The following TAF8 variants were observed in gnomAD, a reference collection of about 807,000 sequenced individuals.
The protein encoded by TAF8 is transcription initiation factor TFIID subunit 8.
A neutral mutation model predicts 36.5 loss-of-function variants in TAF8; 47 were observed. That is an observed-to-expected ratio of 1.29 (90% CI 1.02 to 1.64). The LOEUF is 1.64. Among genes scored for constraint, TAF8 ranks in the 40% most tolerant of loss-of-function variants. TAF8 has a pLI of 0.00. For synonymous variants in TAF8, 175 were observed against 159.5 expected (o/e 1.10, Z -0.73); for missense variants, 420 against 407.6 (o/e 1.03, Z -0.26).
In TAF8 at chr6:42,071,230, T is replaced by C. The variant is rs535440658; in HGVS notation, c.780+2623T>C. ...GTTCTCTAAGATGTGATACCCCAAATGGCAGCCAGCCACCCTGGGTTGCTA... is the reference window on the plus strand; with the variant it reads ...GTTCTCTAAGATGTGATACCCCAAACGGCAGCCAGCCACCCTGGGTTGCTA... On this transcript the variant is annotated intron_variant, in intron 7 of 8. Coordinates refer to ENST00000372977, the MANE Select transcript of TAF8 (RefSeq NM_138572.3). 238 of 181,878 alleles carry C rather than the reference T, an allele frequency of 1.3e-3. 2 individuals carry two copies. The highest frequency in any genetic ancestry group is 5.7e-3 in the African/African-American group (236 of 41,412). 11.3% of individuals were successfully genotyped at this position (181,878 alleles called of 1,614,324 possible).
Position 42,081,312 on chromosome 6 carries a change from G to C in TAF8, c.*3767G>C, listed in dbSNP as rs891064770. 1 of 140,192 alleles carries C rather than the reference G, an allele frequency of 7.1e-6. No homozygotes were observed. The highest frequency in any genetic ancestry group is 2.6e-5 in the African/African-American group (1 of 39,134). The allele number at this position is 140,192 out of a possible 1,614,324, so 8.7% of individuals were successfully genotyped here. A position where few individuals can be genotyped will look rare whatever the true frequency, so the allele number is the denominator to read the frequency against. On this transcript the variant is annotated 3_prime_UTR_variant, in exon 9 of 9. Transcript: ENST00000372977. Reference sequence around the variant, plus strand: ...CTGCCTCAGCTTCCTGAGTAGCTGGGATTATAGGTATCTACCACCACCACC... The same window carrying C: ...CTGCCTCAGCTTCCTGAGTAGCTGGCATTATAGGTATCTACCACCACCACC...
chr6:42,056,848 C>T (rs956985419), intron 4 of TAF8, among the ~76,000 whole-genome samples: 2 of 152,306 alleles, frequency 1.3e-5, no homozygotes, highest in East Asian at 3.9e-4. Context: ...TCGAGTGATC[C>T]GCCTGCCTCG....
Position 42,079,516 on chromosome 6 carries a change from C to A in TAF8, c.*1971C>A. 1.0e-6 allele frequency: 1 copy of A among 985,312 alleles called. No homozygotes were observed. Among genetic ancestry groups the A allele is most frequent in the Non-Finnish European group, 1.2e-6 (1 of 829,896 alleles). 61.0% of individuals were successfully genotyped at this position (985,312 alleles called of 1,614,324 possible). On this transcript the variant is annotated 3_prime_UTR_variant, in exon 9 of 9. Coordinates refer to ENST00000372977, the MANE Select transcript of TAF8 (RefSeq NM_138572.3). ...ATAAGCTTGTTTCCCAAATTAGAAT[C>A]CTAACGTCCATATTTAGCTTCATGT... is the stretch of plus-strand genomic sequence containing the variant.
chr6:42,058,303 C>G (rs1765076267), intron 5 of TAF8, among the ~76,000 whole-genome samples: 1 of 152,080 alleles, frequency 6.6e-6, no homozygotes, highest in Non-Finnish European at 1.5e-5. Context: ...AGAATCTAAC[C>G]TGGGAGACAG....
At chr6:42,068,382 G>T in intron 6 of TAF8, 83 bp from the exon 7 acceptor site, 1 of 1,501,042 alleles carries the variant, frequency 6.7e-7, no homozygotes, top group South Asian at 1.2e-5. Flanking sequence ...GCTGCTCACT[G>T]ATTTGTTGTG....
rs778515780 is a variant in TAF8 at position 42,077,190 on chromosome 6, G to A, written c.871G>A (p.Asp291Asn). Residue 291 changes from aspartate to asparagine, a missense_variant, in exon 8 of 9, where the codon GAT (aspartate) becomes AAT (asparagine). Physicochemically the swap from Asp to Asn is conservative, Grantham distance 23 (BLOSUM62 1). Coordinates refer to ENST00000372977, the MANE Select transcript of TAF8 (RefSeq NM_138572.3). ...CCGGAATGGGGAGGAGAACATCATC[G>A]ATAACCCTTATCTGCGGCCGGTGAA... is the stretch of plus-strand genomic sequence containing the variant. ...GSRNGEENII[D>N]NPYLRPVKKP... is the part of the protein sequence containing the mutation. 1 of 1,614,106 alleles carries A rather than the reference G, an allele frequency of 6.2e-7. No homozygotes were observed. Among genetic ancestry groups the A allele is most frequent in the Non-Finnish European group, 8.5e-7 (1 of 1,179,988 alleles).
chr6:42,051,494 G>A lies in TAF8; in HGVS notation c.183G>A (p.Leu61=). Residue 61 remains leucine (L), a synonymous_variant, in exon 2 of 9, where the codon CTG becomes CTA. Coordinates refer to ENST00000372977, the MANE Select transcript of TAF8 (RefSeq NM_138572.3). ...CCGAGAAAGCATCCGTGGAAACGCT[G>A]ACAGAGATGCTGCAGAGCTGTGAGT... The part of the protein sequence containing the change: ...ESAEKASVET[L]TEMLQSYISE... 6.2e-7 allele frequency: 1 copy of A among 1,614,042 alleles called. No individual in the cohort carries two copies. The highest frequency in any genetic ancestry group is 8.5e-7 in the Non-Finnish European group (1 of 1,180,002).
rs774187831 is a variant in TAF8 at position 42,066,392 on chromosome 6, T to C, written c.570T>C (p.Leu190=). The part of the protein sequence containing the change: ...ASQRRDVERA[L]TRFMAKTGET... ...AGAGGCGCGATGTGGAGCGGGCACTTACCCGTTTCATGGCCAAGACAGGCG... is the reference window on the plus strand; with the variant it reads ...AGAGGCGCGATGTGGAGCGGGCACTCACCCGTTTCATGGCCAAGACAGGCG... Residue 190 remains leucine (L), a synonymous_variant, in exon 6 of 9, where the codon CTT becomes CTC. Coordinates refer to ENST00000372977, the MANE Select transcript of TAF8 (RefSeq NM_138572.3). 6.2e-7 allele frequency: 1 copy of C among 1,614,220 alleles called. No individual in the cohort carries two copies. The highest frequency in any genetic ancestry group is 1.1e-5 in the South Asian group (1 of 91,078).
intron 2 of TAF8, among the ~76,000 whole-genome samples, chr6:42,054,459 G>A (rs1183958046): frequency 6.6e-6 from 1 of 152,032 alleles, no homozygotes; most frequent in Non-Finnish European, 1.5e-5. Context: ...CAGAAACTCT[G>A]TACCCATAAA....
intron 7 of TAF8, among the ~76,000 whole-genome samples, chr6:42,076,543 A>C (rs913584071): frequency 1.3e-5 from 2 of 152,194 alleles, no homozygotes; most frequent in Non-Finnish European, 2.9e-5. Context: ...TGCGTCCCTT[A>C]GTGGAACCCT....
rs749880967 is a variant in TAF8, at chr6:42,051,353, A to T, written c.46-4A>T. 3 of 1,609,998 alleles carry T rather than the reference A, an allele frequency of 1.9e-6. No homozygotes were observed. The highest frequency in any genetic ancestry group is 2.7e-5 in the African/African-American group (2 of 74,850). ...TGGATGAAAATCTCTCTGCTGATTCACAGAGATCGGGAAGTAAACAGTCCA... is the reference window on the plus strand; with the variant it reads ...TGGATGAAAATCTCTCTGCTGATTCTCAGAGATCGGGAAGTAAACAGTCCA... On this transcript the variant is annotated splice_polypyrimidine_tract_variant and splice_region_variant and intron_variant, in intron 1 of 8. Transcript: ENST00000372977.
At chr6:42,051,262 T>G in intron 1 of TAF8, 95 bp from the exon 2 acceptor site, 1 of 1,376,312 alleles carries the variant, frequency 7.3e-7, no homozygotes, top group Non-Finnish European at 9.9e-7. Context: ...AAAATAAAAT[T>G]ATTTAGTAAA....
chr6:42,083,257 GCTT>G lies in TAF8; in HGVS notation c.*5715_*5717del, dbSNP rs1366432424. Reference sequence around the variant, plus strand: ...TGATGTTCCATGTCAGTAATAAAGAGCTTCTCTGTTTCGTGGCTGCATGGTTGT... The same window carrying G: ...TGATGTTCCATGTCAGTAATAAAGAGCTCTGTTTCGTGGCTGCATGGTTGT... On this transcript the variant is annotated 3_prime_UTR_variant, in exon 9 of 9. Coordinates refer to ENST00000372977, the MANE Select transcript of TAF8 (RefSeq NM_138572.3). 9 of 152,308 alleles carry G rather than the reference GCTT, an allele frequency of 5.9e-5. No homozygotes were observed. Among genetic ancestry groups the G allele is most frequent in the South Asian group, 4.1e-4 (2 of 4,832 alleles). 9.4% of individuals were successfully genotyped at this position (152,308 alleles called of 1,614,324 possible).
Position 42,078,626 on chromosome 6 carries a change from C to T in TAF8, c.*1081C>T, listed in dbSNP as rs762832429. 9.1e-5 allele frequency: 90 copies of T among 985,296 alleles called. No individual in the cohort carries two copies. Among genetic ancestry groups the T allele is most frequent in the East Asian group, 5.7e-4 (5 of 8,824 alleles). 61.0% of individuals were successfully genotyped at this position (985,296 alleles called of 1,614,324 possible). ...CATGTCGGGGCTGCACCTGTCCTCCCGTCGGCATTTGACGAAAGCTCCCTG... is the reference window on the plus strand; with the variant it reads ...CATGTCGGGGCTGCACCTGTCCTCCTGTCGGCATTTGACGAAAGCTCCCTG... On this transcript the variant is annotated 3_prime_UTR_variant, in exon 9 of 9. Coordinates refer to ENST00000372977, the MANE Select transcript of TAF8 (RefSeq NM_138572.3).
Position 42,066,292 on chromosome 6 carries a change from CTT to C in TAF8, c.490-18_490-17del. 1 of 1,612,658 alleles carries C rather than the reference CTT, an allele frequency of 6.2e-7. No individual in the cohort carries two copies. Among genetic ancestry groups the C allele is most frequent in the Non-Finnish European group, 8.5e-7 (1 of 1,179,936 alleles). ...TGATACTTCGGCATCACCCCAGTGT[CTT>C]TGCTGCTCTCTTCGTAGACGTACCG... On this transcript the variant is annotated intron_variant, in intron 5 of 8. Coordinates refer to ENST00000372977, the MANE Select transcript of TAF8 (RefSeq NM_138572.3).
chr6:42,050,722 C>A, intron 1 of TAF8, 136 bp downstream of exon 1: 3 of 1,149,988 alleles, frequency 2.6e-6, no homozygotes, highest in Non-Finnish European at 2.4e-6. Flanking sequence ...GTTTTCAGGC[C>A]GTAGGCGCCC....
intron 8 of TAF8, 58 bp from the exon 9 acceptor site, chr6:42,077,475 T>G (rs780486546): frequency 2.2e-4 from 347 of 1,603,784 alleles, no homozygotes; most frequent in South Asian, 1.2e-3. Context: ...AGTTTTCCCC[T>G]AGAAGGAGAG....
At chr6:42,055,289 TG>T (rs1471954563) in intron 2 of TAF8, among the ~76,000 whole-genome samples, 3 of 152,254 alleles carry the variant, frequency 2.0e-5, no homozygotes, top group Non-Finnish European at 2.9e-5. Context: ...TTTTAAAGGC[TG>T]AATAATATTC....
In TAF8 at chr6:42,080,817, T is replaced by G. The variant is rs2127466911; in HGVS notation, c.*3272T>G. 2 of 979,946 alleles carry G rather than the reference T, an allele frequency of 2.0e-6. No homozygotes were observed. The highest frequency in any genetic ancestry group is 9.4e-5 in the South Asian group (2 of 21,186). The allele number at this position is 979,946 out of a possible 1,614,324, so 60.7% of individuals were successfully genotyped here. On this transcript the variant is annotated 3_prime_UTR_variant, in exon 9 of 9. Coordinates refer to ENST00000372977, the MANE Select transcript of TAF8 (RefSeq NM_138572.3). ...CTATTTTTTATAACTTTATGGGACT[T>G]CTTAGAGGCCAAAAGTAGTAAACAT...
Sources: allele counts gnomAD v4.1 joint callset (sites outside exome capture counted in the v4.1 genomes callset), GRCh38; gene constraint gnomAD v4.1.1; transcripts MANE v1.5; gene names NCBI Gene and HGNC (gene_info 2026-07-23, HGNC 2026-07-21).